MRAP2: variants seen among roughly 807,000 people sequenced by gnomAD.
MRAP2 encodes melanocortin-2 receptor accessory protein 2.
Under a neutral mutation model 17.4 loss-of-function variants are expected in MRAP2, and 20 were observed. The observed-to-expected ratio is 1.15, with a 90% CI of 0.81 to 1.67. MRAP2 has a LOEUF of 1.67. Ranked by LOEUF, MRAP2 falls within the 40% of genes most tolerant of loss-of-function variation. MRAP2 has a pLI of 0.00. For missense variants in MRAP2, 238 were observed against 240.0 expected, an observed-to-expected ratio of 0.99 and a Z score of 0.05; for synonymous variants, 96 against 88.4, an observed-to-expected ratio of 1.09 and a Z score of -0.48.
chr6:84,137,044 G>A, the MRAP2 span, among the ~76,000 whole-genome samples: 956 of 152,338 alleles, frequency 6.3e-3, 4 homozygotes, highest in African/African-American at 0.022. Context: ...TAGTATAAGA[G>A]ATATCGGTTC....
chr6:84,090,090 AT>A lies in MRAP2; in HGVS notation c.*614del. 6.5e-6 allele frequency: 1 copy of A among 153,316 alleles called. No homozygotes were observed. The highest frequency in any genetic ancestry group is 1.5e-5 in the Non-Finnish European group (1 of 68,810). The allele number at this position is 153,316 out of a possible 1,614,324, so 9.5% of individuals were successfully genotyped here. ...TTGCTTTACCTCTCTGGGCTGCCCC[AT>A]TTTTAACTGTAGGTTGACAGGTCTA... On this transcript the variant is annotated 3_prime_UTR_variant, in exon 4 of 4. Coordinates refer to ENST00000257776, the MANE Select transcript of MRAP2 (RefSeq NM_138409.4).
rs192948918 is a variant in MRAP2 at position 84,073,654 on chromosome 6, G to A, written c.227+10662G>A. The stretch of plus-strand genomic sequence containing the variant: ...TTGTTTTTATCACATACTGTGCCAA[G>A]CACGGGGCTCTGGACTCAAACATTT... On this transcript the variant is annotated intron_variant, in intron 3 of 3. Coordinates refer to ENST00000257776, the MANE Select transcript of MRAP2 (RefSeq NM_138409.4). Among the ~76,000 whole-genome samples the A allele has an allele frequency of 6.5e-4, 99 of 152,290 alleles. 2 individuals are homozygous for A. Among genetic ancestry groups the A allele is most frequent in the Admixed American group, 6.3e-3 (97 of 15,298 alleles).
At chr6:84,143,215 T>C in the MRAP2 span, among the ~76,000 whole-genome samples, 1 of 152,062 alleles carries the variant, frequency 6.6e-6, no homozygotes, top group Non-Finnish European at 1.5e-5. Flanking sequence ...TTATCTACCT[T>C]GGCTTCTTAA....
the MRAP2 span, among the ~76,000 whole-genome samples, chr6:84,128,586 T>A: frequency 6.6e-6 from 1 of 152,146 alleles, no homozygotes; most frequent in Admixed American, 6.5e-5. Context: ...AGCATCAATA[T>A]CTTCATCTAA....
intron 3 of MRAP2, among the ~76,000 whole-genome samples, chr6:84,067,446 GAA>G: frequency 6.6e-6 from 1 of 152,270 alleles, no homozygotes; most frequent in Admixed American, 6.5e-5. Context: ...AGTTCTTTAA[GAA>G]ATCTCCACAC....
downstream of MRAP2, among the ~76,000 whole-genome samples, chr6:84,095,818 G>A (rs911563228): frequency 6.6e-6 from 1 of 152,306 alleles, no homozygotes; most frequent in South Asian, 2.1e-4. Flanking sequence ...GCTGATTCTC[G>A]AGGCAGATGT....
At chr6:84,141,545 C>T in the MRAP2 span, among the ~76,000 whole-genome samples, 2 of 152,152 alleles carry the variant, frequency 1.3e-5, no homozygotes, top group Non-Finnish European at 2.9e-5. Flanking sequence ...CAGTCTCAAC[C>T]TCTGAACAAA....
chr6:84,123,945 C>G, the MRAP2 span, among the ~76,000 whole-genome samples: 1 of 151,980 alleles, frequency 6.6e-6, no homozygotes, highest in Non-Finnish European at 1.5e-5. Flanking sequence ...TACAACTGAC[C>G]AACAAACACG....
At chr6:84,085,271 G>T (rs2129175437) in intron 3 of MRAP2, among the ~76,000 whole-genome samples, 1 of 152,202 alleles carries the variant, frequency 6.6e-6, no homozygotes, top group East Asian at 1.9e-4. Context: ...GGCCAGGATG[G>T]TCTCGATCTC....
the MRAP2 span, among the ~76,000 whole-genome samples, chr6:84,102,651 G>A: frequency 6.6e-6 from 1 of 152,176 alleles, no homozygotes; most frequent in African/African-American, 2.4e-5. Flanking sequence ...AAGTCATTAT[G>A]TTTGCTATAA....
At chr6:84,096,277 A>T in the MRAP2 span, among the ~76,000 whole-genome samples, 1 of 152,202 alleles carries the variant, frequency 6.6e-6, no homozygotes, top group Non-Finnish European at 1.5e-5. Flanking sequence ...GATGGCTTTT[A>T]AAATGAATAA....
intron 1 of MRAP2, among the ~76,000 whole-genome samples, chr6:84,041,344 T>C (rs2099487517): frequency 1.3e-5 from 2 of 152,226 alleles, no homozygotes; most frequent in South Asian, 4.1e-4. Context: ...AGAGCCCTCA[T>C]GGAGAACCTC....
At chr6:84,065,127 A>G (rs2099494309) in intron 3 of MRAP2, among the ~76,000 whole-genome samples, 2 of 152,248 alleles carry the variant, frequency 1.3e-5, no homozygotes, top group Admixed American at 1.3e-4. Flanking sequence ...TCTACAAAAA[A>G]TACAAAAATC....
At chr6:84,067,350 A>C (rs2099495010) in intron 3 of MRAP2, among the ~76,000 whole-genome samples, 2 of 152,206 alleles carry the variant, frequency 1.3e-5, no homozygotes, top group African/African-American at 4.8e-5. Context: ...ATGTGTCTGC[A>C]AGTATCTTTT....
intron 3 of MRAP2, among the ~76,000 whole-genome samples, chr6:84,085,343 C>T (rs1313147616): frequency 6.6e-6 from 1 of 152,108 alleles, no homozygotes; most frequent in Admixed American, 6.5e-5. Flanking sequence ...CGTGAGACAC[C>T]GCGCCCGGCC....
At chr6:84,125,707 G>GA in the MRAP2 span, among the ~76,000 whole-genome samples, 1 of 152,028 alleles carries the variant, frequency 6.6e-6, no homozygotes, top group Non-Finnish European at 1.5e-5. Context: ...GTTAGAATGA[G>GA]AAAAAAGGTG....
chr6:84,091,360 C>CT (rs2099501762), downstream of MRAP2, among the ~76,000 whole-genome samples: 2 of 149,796 alleles, frequency 1.3e-5, no homozygotes, highest in Non-Finnish European at 2.9e-5. Flanking sequence ...TCCCAAGTTG[C>CT]TGGGACTACA....
At chr6:84,084,859 C>CTTTATTTTATTTTATTTTAT (rs766383974) in intron 3 of MRAP2, among the ~76,000 whole-genome samples, 10 of 137,160 alleles carry the variant, frequency 7.3e-5, no homozygotes, top group South Asian at 2.4e-4. Flanking sequence ...CATTTCATTT[C>CTTTATTTTATTTTATTTTAT]TTTATTTTAT....
chr6:84,052,695 T>G, intron 1 of MRAP2: 1 of 367,042 alleles, frequency 2.7e-6, no homozygotes, highest in Non-Finnish European at 3.8e-6. Context: ...TGCCCCTCCT[T>G]TTGTTTGAAG....
Sources: allele counts gnomAD v4.1 joint callset (sites outside exome capture counted in the v4.1 genomes callset), GRCh38; gene constraint gnomAD v4.1.1; transcripts MANE v1.5; gene names NCBI Gene and HGNC (gene_info 2026-07-23, HGNC 2026-07-21).